PTH2R: variants seen among roughly 807,000 people sequenced by gnomAD.
PTH2R encodes the protein parathyroid hormone 2 receptor.
A neutral mutation model predicts 60.3 loss-of-function variants in PTH2R; 59 were observed. That is an observed-to-expected ratio of 0.98 (90% CI 0.79 to 1.22). PTH2R has a LOEUF of 1.22. Among genes scored for constraint, PTH2R ranks in the 50% most tolerant of loss-of-function variants. PTH2R has a pLI of 0.00. For synonymous variants in PTH2R, 256 were observed against 243.8 expected, an observed-to-expected ratio of 1.05 and a Z score of -0.47; for missense variants, 749 against 682.6, an observed-to-expected ratio of 1.10 and a Z score of -1.08.
At chr2:208,491,986 T>G (rs1368250266) in intron 12 of PTH2R, among the ~76,000 whole-genome samples, 2 of 152,176 alleles carry the variant, frequency 1.3e-5, no homozygotes, top group East Asian at 3.9e-4. Context: ...AGTCAGGTGT[T>G]GATTTGTTTT....
intron 9 of PTH2R, among the ~76,000 whole-genome samples, chr2:208,466,902 C>T (rs1702765706): frequency 6.6e-6 from 1 of 151,968 alleles, no homozygotes; most frequent in African/African-American, 2.4e-5. Flanking sequence ...TAATGCAATC[C>T]TGCTTGTTAA....
At position 208,443,416 on chromosome 2, in the gene PTH2R, G is replaced by C; in HGVS notation, c.578G>C (p.Ser193Thr). Residue 193 changes from serine to threonine, a missense_variant, in exon 6 of 13, where the codon AGC becomes ACC. Coordinates refer to ENST00000272847, the MANE Select transcript of PTH2R (RefSeq NM_005048.4). ...LFVSFMLRAT[S>T]IFVKDRVVHA... ...GTGTCTTTCATGCTGAGAGCTACAA[G>C]CATCTTTGTCAAAGACAGAGTAGTC... 1 of 1,613,246 alleles carries C rather than the reference G, an allele frequency of 6.2e-7. No homozygotes were observed. The highest frequency in any genetic ancestry group is 2.2e-5 in the East Asian group (1 of 44,806).
At chr2:208,369,846 A>G (rs1013352169) in intron 1 of PTH2R, among the ~76,000 whole-genome samples, 2 of 152,094 alleles carry the variant, frequency 1.3e-5, no homozygotes, top group Non-Finnish European at 2.9e-5. Context: ...GACATCATAG[A>G]CAACGCACTT....
chr2:208,398,834 G>T (rs1185614413), intron 1 of PTH2R, among the ~76,000 whole-genome samples: 1 of 152,154 alleles, frequency 6.6e-6, no homozygotes, highest in African/African-American at 2.4e-5. Flanking sequence ...TTGAATTCTA[G>T]CTCTTAACCA....
At chr2:208,420,818 G>A (rs1253408895) in intron 1 of PTH2R, among the ~76,000 whole-genome samples, 3 of 152,106 alleles carry the variant, frequency 2.0e-5, no homozygotes, top group Non-Finnish European at 4.4e-5. Flanking sequence ...TTGTGTGTGT[G>A]CACATGTATT....
chr2:208,481,413 G>A (rs1168358929), intron 10 of PTH2R, among the ~76,000 whole-genome samples: 1 of 152,032 alleles, frequency 6.6e-6, no homozygotes, highest in African/African-American at 2.4e-5. Context: ...GTTTTGCCCT[G>A]TTGGCCAGGC....
intron 1 of PTH2R, among the ~76,000 whole-genome samples, chr2:208,423,760 T>C (rs1701801704): frequency 6.6e-6 from 1 of 151,500 alleles, no homozygotes; most frequent in South Asian, 2.1e-4. Context: ...TTCACATATT[T>C]TGCAGCTCTG....
chr2:208,458,684 G>A (rs1196771648), intron 8 of PTH2R, among the ~76,000 whole-genome samples: 1 of 152,010 alleles, frequency 6.6e-6, no homozygotes, highest in Non-Finnish European at 1.5e-5. Context: ...CCACTTATAA[G>A]TGAGAACACG....
At chr2:208,405,745 A>G (rs898307546), upstream of PTH2R, among the ~76,000 whole-genome samples, 9 of 152,262 alleles carry the variant, frequency 5.9e-5, no homozygotes, top group East Asian at 9.6e-4. Context: ...TCTAGTCCTT[A>G]AGGTGATGGC....
intron 12 of PTH2R, 51 bp downstream of exon 12, chr2:208,490,731 AT>A (rs1559235797): frequency 1.3e-6 from 2 of 1,509,236 alleles, no homozygotes; most frequent in Non-Finnish European, 1.8e-6. Context: ...GTAAATGGCC[AT>A]CACAATGTAT....
intron 1 of PTH2R, among the ~76,000 whole-genome samples, chr2:208,424,426 T>C (rs1033309884): frequency 1.3e-5 from 2 of 152,198 alleles, no homozygotes; most frequent in Admixed American, 1.3e-4. Context: ...TGGAAAAATT[T>C]CTTGCGATAG....
chr2:208,443,256 G>T, intron 5 of PTH2R, 92 bp from the exon 6 acceptor site: 1 of 1,112,196 alleles, frequency 9.0e-7, no homozygotes, highest in Non-Finnish European at 1.2e-6. Context: ...CTGGAGGGGA[G>T]CAGGCTGGTT....
chr2:208,419,430 G>A (rs1186577479), intron 1 of PTH2R, among the ~76,000 whole-genome samples: 2 of 152,112 alleles, frequency 1.3e-5, no homozygotes, highest in African/African-American at 4.8e-5. Context: ...TTAGCCCTTT[G>A]TCAGATGAGT....
intron 9 of PTH2R, among the ~76,000 whole-genome samples, chr2:208,477,998 T>C (rs896548919): frequency 4.2e-5 from 4 of 94,912 alleles, no homozygotes; most frequent in African/African-American, 9.5e-5. Flanking sequence ...CTAGTACTAG[T>C]ACTACTACTA....
At chr2:208,441,798 G>C (rs773622112) in intron 4 of PTH2R, among the ~76,000 whole-genome samples, 2 of 152,104 alleles carry the variant, frequency 1.3e-5, no homozygotes, top group Non-Finnish European at 2.9e-5. Flanking sequence ...ATAAATATGC[G>C]TGTCGCATCA....
intron 1 of PTH2R, among the ~76,000 whole-genome samples, chr2:208,410,967 C>T (rs548178139): frequency 1.8e-4 from 27 of 152,270 alleles, no homozygotes; most frequent in African/African-American, 5.8e-4. Context: ...TGAGGACAGC[C>T]GGGCACAATG....
chr2:208,379,926 A>G (rs1309948503), intron 1 of PTH2R, among the ~76,000 whole-genome samples: 1 of 151,892 alleles, frequency 6.6e-6, no homozygotes, highest in Non-Finnish European at 1.5e-5. Flanking sequence ...CTGATTCCTA[A>G]TCTCCAGAAT....
intron 1 of PTH2R, among the ~76,000 whole-genome samples, chr2:208,378,389 G>A (rs904501180): frequency 6.6e-6 from 1 of 151,884 alleles, no homozygotes; most frequent in South Asian, 2.1e-4. Flanking sequence ...GAGACTGTGG[G>A]GAGAGGGAGA....
intron 1 of PTH2R, among the ~76,000 whole-genome samples, chr2:208,421,953 T>C (rs1701765476): frequency 6.6e-6 from 1 of 152,154 alleles, no homozygotes; most frequent in Admixed American, 6.6e-5. Flanking sequence ...CAGTGGGATA[T>C]ACATACAAAC....
Sources: gnomAD v4.1 joint callset for allele counts (sites outside exome capture counted in the v4.1 genomes callset) on GRCh38, gnomAD v4.1.1 for gene constraint, MANE v1.5 for transcripts, NCBI Gene and HGNC (gene_info 2026-07-23, HGNC 2026-07-21) for gene names.